GRAMD4: variants seen among roughly 807,000 people sequenced by gnomAD.
The protein encoded by GRAMD4 is GRAM domain-containing protein 4.
A neutral mutation model predicts 83.9 loss-of-function variants in GRAMD4; 25 were observed. The observed-to-expected ratio is 0.30, with a 90% CI of 0.22 to 0.42. The LOEUF (loss-of-function observed/expected upper bound fraction) is 0.42, where lower values mean the gene tolerates loss of function less well. Ranked by LOEUF, GRAMD4 falls within the 10% of genes least tolerant of loss-of-function variation. The pLI, the probability that GRAMD4 is intolerant of heterozygous loss-of-function variation, is 1.00. For missense variants in GRAMD4, 593 were observed against 788.7 expected (o/e 0.75, Z 2.97); for synonymous variants, 336 against 320.9 (o/e 1.05, Z -0.50).
intron 1 of GRAMD4, among the ~76,000 whole-genome samples, chr22:46,599,875 G>T (rs531405681): frequency 6.6e-6 from 1 of 151,844 alleles, no homozygotes. Flanking sequence ...AGTGACCATC[G>T]GAAGGCTTTC....
chr22:46,583,490 AT>A (rs936332959), intron 1 of GRAMD4, among the ~76,000 whole-genome samples: 2 of 152,212 alleles, frequency 1.3e-5, no homozygotes, highest in African/African-American at 4.8e-5. Context: ...TCTAGCTGTC[AT>A]GTCTCTCTAA....
chr22:46,577,246 G>A, exon 1 of GRAMD4: 1 of 977,148 alleles, frequency 1.0e-6, no homozygotes, highest in South Asian at 4.7e-5. Flanking sequence ...GGCGAGGGGG[G>A]CGCCGCGGCG....
At chr22:46,579,073 C>T (rs954740336) in intron 1 of GRAMD4, among the ~76,000 whole-genome samples, 3 of 152,200 alleles carry the variant, frequency 2.0e-5, no homozygotes, top group Non-Finnish European at 4.4e-5. Context: ...GCAGGCGGGG[C>T]CTGTCCGGTG....
At chr22:46,618,913 G>C (rs1332003048), upstream of GRAMD4, among the ~76,000 whole-genome samples, 9 of 152,250 alleles carry the variant, frequency 5.9e-5, no homozygotes, top group Admixed American at 5.9e-4. The surrounding 1 kb of genome is among the most constrained non-coding windows in gnomAD (Gnocchi z 5.8). Context: ...TGAGACCCGA[G>C]TCTGTGCCAG....
At chr22:46,664,675 G>T (rs745961234) in intron 8 of GRAMD4, among the ~76,000 whole-genome samples, 3 of 152,226 alleles carry the variant, frequency 2.0e-5, no homozygotes, top group Non-Finnish European at 4.4e-5. Context: ...TCAGTACTTG[G>T]TCCTCGGGGG....
intron 3 of GRAMD4, among the ~76,000 whole-genome samples, chr22:46,644,513 CCCCTGTTCCGTGTTACACCTGT>C (rs1315257273): frequency 5.9e-5 from 8 of 135,302 alleles, no homozygotes; most frequent in African/African-American, 1.1e-4. Context: ...GTTACACCTG[CCCCTGTTCCGTGTTACACCTGT>C]CCCTGTTCTG....
chr22:46,616,692 TCCCCTGTGCGTGTAGGTTCC>T (rs2081502118), upstream of GRAMD4, among the ~76,000 whole-genome samples: 2 of 119,340 alleles, frequency 1.7e-5, no homozygotes, highest in South Asian at 3.3e-4. Context: ...GCGTGTAGGT[TCCCCTGTGCGTGTAGGTTCC>T]CCCGTGCGTG....
intron 1 of GRAMD4, among the ~76,000 whole-genome samples, chr22:46,608,257 G>A (rs956385419): frequency 1.3e-5 from 2 of 152,198 alleles, no homozygotes; most frequent in African/African-American, 4.8e-5. Flanking sequence ...CATCAGGGCC[G>A]CCCGTGCTCT....
At chr22:46,584,803 G>A (rs546933256) in intron 1 of GRAMD4, among the ~76,000 whole-genome samples, 5 of 152,366 alleles carry the variant, frequency 3.3e-5, no homozygotes, top group African/African-American at 4.8e-5. Context: ...CCGCAGGGAC[G>A]GGCACGGGCT....
Position 46,672,704 on chromosome 22 carries a change from C to G in GRAMD4, c.1085-139C>G. 1 of 657,350 alleles carries G rather than the reference C, an allele frequency of 1.5e-6. No individual in the cohort carries two copies. The highest frequency in any genetic ancestry group is 2.7e-5 in the Admixed American group (1 of 37,710). The allele number at this position is 657,350 out of a possible 1,614,324, so 40.7% of individuals were successfully genotyped here. On this transcript the variant is annotated intron_variant, in intron 13 of 18. Transcript: ENST00000406902. This position sits in a 1 kb window ranked among gnomAD's most constrained non-coding sequence, Gnocchi z 4.7. ...GGGGGTATCCAGGGTGAGGACTGAG[C>G]GAGCAGCTGGACTCTCACATCCAGG...
rs1324941129 is a variant in GRAMD4, at chr22:46,673,790, A to T, written c.1360A>T (p.Thr454Ser). Residue 454 changes from threonine to serine, a missense_variant, in exon 15 of 19, where the codon ACA (threonine) becomes TCA (serine). By Grantham distance (58) the Thr-to-Ser change is moderately conservative. This residue lies in a region of GRAMD4 where 171 missense variants were observed against 199.6 expected (regional missense o/e 0.86). Coordinates refer to ENST00000406902, the MANE Select transcript of GRAMD4 (RefSeq NM_015124.5). ...KGNFHEIFNL[T>S]ENERPLAVCE... ...CAATTTCCACGAGATCTTCAATCTG[A>T]CAGAAAACGAGCGTCCGCTGGCGGG... 6.2e-7 allele frequency: 1 copy of T among 1,613,060 alleles called. No homozygotes were observed. The highest frequency in any genetic ancestry group is 1.7e-5 in the Admixed American group (1 of 60,026).
intron 1 of GRAMD4, among the ~76,000 whole-genome samples, chr22:46,591,073 A>AAAG (rs1478750645): frequency 3.4e-5 from 5 of 146,936 alleles, no homozygotes; most frequent in Admixed American, 6.7e-5. Context: ...AGAAAAAGAA[A>AAAG]AAAAAACAAA....
chr22:46,680,552 GTCCGTCCGTCCGTCCATCCATCCA>G (rs1569313288), downstream of GRAMD4, among the ~76,000 whole-genome samples: 22 of 62,532 alleles, frequency 3.5e-4, no homozygotes, highest in African/African-American at 1.5e-3. Flanking sequence ...CTGTCCGTCC[GTCCGTCCGTCCGTCCATCCATCCA>G]TCCATCCATC....
intron 3 of GRAMD4, among the ~76,000 whole-genome samples, chr22:46,643,759 C>T (rs1259567991): frequency 1.3e-5 from 2 of 152,166 alleles, no homozygotes; most frequent in Non-Finnish European, 2.9e-5. Context: ...TCAGGTCATG[C>T]GATTATGTCC....
intron 3 of GRAMD4, among the ~76,000 whole-genome samples, chr22:46,653,624 C>T (rs962844457): frequency 6.6e-6 from 1 of 152,200 alleles, no homozygotes; most frequent in Admixed American, 6.5e-5. Context: ...CCTTTCACAG[C>T]TTAGTGACTC....
upstream of GRAMD4, among the ~76,000 whole-genome samples, chr22:46,618,104 C>G (rs1601570686): frequency 1.3e-5 from 2 of 152,220 alleles, no homozygotes; most frequent in Non-Finnish European, 2.9e-5. This position sits in a 1 kb window ranked among gnomAD's most constrained non-coding sequence, Gnocchi z 5.8. Context: ...GCCGTGGCAT[C>G]TGGGCTGCCT....
At chr22:46,608,057 A>C (rs1332518572) in intron 1 of GRAMD4, among the ~76,000 whole-genome samples, 1 of 152,186 alleles carries the variant, frequency 6.6e-6, no homozygotes, top group Non-Finnish European at 1.5e-5. Context: ...TCGGGCACGT[A>C]GTAGGTGCTC....
rs964703638 is a variant in GRAMD4 at position 46,672,089 on chromosome 22, G to A, written c.1085-754G>A. On this transcript the variant is annotated intron_variant, in intron 13 of 18. Coordinates refer to ENST00000406902, the MANE Select transcript of GRAMD4 (RefSeq NM_015124.5). This position sits in a 1 kb window ranked among gnomAD's most constrained non-coding sequence, Gnocchi z 4.7. ...CAGCACTGGGAGGGGCACCCGGAGA[G>A]ACCGGAACTCCTGACAGCTTTTGCT... Among the ~76,000 whole-genome samples the A allele has an allele frequency of 1.7e-4, 26 of 152,346 alleles. No individual in the cohort carries two copies. Among genetic ancestry groups the A allele is most frequent in the African/African-American group, 6.0e-4 (25 of 41,578 alleles).
At chr22:46,579,036 C>T (rs1421995982) in intron 1 of GRAMD4, among the ~76,000 whole-genome samples, 2 of 152,234 alleles carry the variant, frequency 1.3e-5, no homozygotes, top group African/African-American at 2.4e-5. Flanking sequence ...GCGTGGAGTG[C>T]GGCTGTCCCA....
Sources: allele counts gnomAD v4.1 joint callset (sites outside exome capture counted in the v4.1 genomes callset), GRCh38; gene constraint gnomAD v4.1.1; regional missense constraint gnomAD v4.1.1; non-coding constraint Gnocchi (gnomAD v3.1); transcripts MANE v1.5; gene names NCBI Gene and HGNC (gene_info 2026-07-23, HGNC 2026-07-21).